KLHL15: variants seen among roughly 807,000 people sequenced by gnomAD.
The protein encoded by KLHL15 is kelch like family member 15, also known as kelch-like protein 15.
In KLHL15, 1 loss-of-function variant was observed where a neutral mutation model predicts 29.3. That is an observed-to-expected ratio of 0.03 (90% confidence interval 0.01 to 0.16). The LOEUF (loss-of-function observed/expected upper bound fraction) is 0.16. KLHL15 is among the 10% of genes least tolerant of loss of function. The pLI is 1.00. For missense variants in KLHL15, 215 were observed against 478.5 expected (o/e 0.45, Z 5.14); for synonymous variants, 212 against 184.5 (o/e 1.15, Z -1.21).
At chrX:24,019,850 G>C (rs1929769319) in intron 2 of KLHL15, among the ~76,000 whole-genome samples, 1 of 112,153 alleles carries the variant, frequency 8.9e-6, no homozygotes, top group South Asian at 3.6e-4. Context: ...TCAGTTATAA[G>C]GCTGCCATTC....
intron 3 of KLHL15, among the ~76,000 whole-genome samples, chrX:24,002,397 A>G (rs1335143335): frequency 1.8e-5 from 2 of 111,691 alleles, no homozygotes; most frequent in Non-Finnish European, 3.8e-5. Flanking sequence ...GTAAAAACTG[A>G]AACTGTAGTC....
intron 2 of KLHL15, among the ~76,000 whole-genome samples, chrX:24,013,794 G>C (rs1929622063): frequency 9.1e-6 from 1 of 110,033 alleles, no homozygotes; most frequent in Non-Finnish European, 1.9e-5. Flanking sequence ...GATTGCTTGA[G>C]CCCAGGAGTT....
Position 23,984,831 on chromosome X carries a change from C to T in KLHL15, c.*3090G>A, listed in dbSNP as rs1928958104. 1.8e-5 allele frequency: 2 copies of T among 112,039 alleles called. No homozygotes were observed. Among genetic ancestry groups the T allele is most frequent in the Admixed American group, 9.6e-5 (1 of 10,435 alleles). 9.2% of individuals were successfully genotyped at this position (112,039 alleles called of 1,213,427 possible). A position where few individuals can be genotyped will look rare whatever the true frequency, so the allele number is the denominator to read the frequency against. ...CCTTTACTATGACTCGAGCAGGCTT[C>T]CCAGAATGAGGTGTCCAAAGGTGCT... On this transcript the variant is annotated 3_prime_UTR_variant, in exon 4 of 4. Transcript: ENST00000328046.
In KLHL15 at chrX:23,984,687, G is replaced by A. The variant is rs1469161867; in HGVS notation, c.*3234C>T. 8.9e-6 allele frequency: 1 copy of A among 112,339 alleles called. No homozygotes were observed. The highest frequency in any genetic ancestry group is 3.2e-5 in the African/African-American group (1 of 30,995). The allele number at this position is 112,339 out of a possible 1,213,427, so 9.3% of individuals were successfully genotyped here. ...ATATATAAAAATAGTCCCACTGAAC[G>A]TTTGACATGTTTAGATTATGCAGCT... On this transcript the variant is annotated 3_prime_UTR_variant, in exon 4 of 4. Transcript: ENST00000328046.
Position 23,987,296 on chromosome X carries a change from T to A in KLHL15, c.*625A>T. ...AAAAATATAGAATCCTAACCACGCA[T>A]AAAAGGGATGTGCCTTGTGTATTTA... On this transcript the variant is annotated 3_prime_UTR_variant, in exon 4 of 4. Coordinates refer to ENST00000328046, the MANE Select transcript of KLHL15 (RefSeq NM_030624.3). 1 of 112,215 alleles carries A rather than the reference T, an allele frequency of 8.9e-6. No homozygotes were observed. Among genetic ancestry groups the A allele is most frequent in the East Asian group, 2.8e-4 (1 of 3,596 alleles). 9.2% of individuals were successfully genotyped at this position (112,215 alleles called of 1,213,427 possible). A position where few individuals can be genotyped will look rare whatever the true frequency, so the allele number is the denominator to read the frequency against.
chrX:24,026,225 C>T (rs970913860), intron 1 of KLHL15, among the ~76,000 whole-genome samples: 1 of 111,852 alleles, frequency 8.9e-6, no homozygotes, highest in Non-Finnish European at 1.9e-5. Context: ...TGGGAAAATT[C>T]ATAAAAAATT....
At chrX:24,007,525 A>ATG (rs1171141853) in intron 2 of KLHL15, among the ~76,000 whole-genome samples, 1 of 97,128 alleles carries the variant, frequency 1.0e-5, no homozygotes, top group Non-Finnish European at 2.0e-5. Context: ...ATATATATAT[A>ATG]TATATATATA....
In KLHL15 at chrX:23,988,122, A is replaced by C. The variant is rs1156631030; in HGVS notation, c.1614T>G (p.Thr538=). 1 of 1,211,548 alleles carries C rather than the reference A, an allele frequency of 8.3e-7. No individual in the cohort carries two copies. Residue 538 remains threonine, a synonymous_variant, in exon 4 of 4, where the codon ACT becomes ACG. Coordinates refer to ENST00000328046, the MANE Select transcript of KLHL15 (RefSeq NM_030624.3). ...MPIGRSGHGV[T]VLDKQIMVLG... ...GAACCATTATTTGTTTGTCCAGCAC[A>C]GTCACACCATGGCCACTTCTACCAA... is the stretch of plus-strand genomic sequence containing the variant.
intron 3 of KLHL15, among the ~76,000 whole-genome samples, chrX:23,993,626 G>A (rs1355681593): frequency 9.0e-6 from 1 of 110,685 alleles, no homozygotes; most frequent in Non-Finnish European, 1.9e-5. Context: ...TTTATCAGGT[G>A]CTCCAGGGAC....
intron 3 of KLHL15, among the ~76,000 whole-genome samples, chrX:23,996,970 T>TA (rs1284496109): frequency 8.9e-6 from 1 of 112,471 alleles, no homozygotes; most frequent in Non-Finnish European, 1.9e-5. Context: ...CTTTCAGTCA[T>TA]ACTGTATTTA....
chrX:24,002,767 T>A (rs1929355767), intron 3 of KLHL15, among the ~76,000 whole-genome samples: 1 of 111,051 alleles, frequency 9.0e-6, no homozygotes, highest in Admixed American at 9.6e-5. Context: ...TAGCTGGGAC[T>A]CCAGGCATGT....
chrX:23,986,861 G>GGGC lies in KLHL15; in HGVS notation c.*1057_*1059dup, dbSNP rs958852303. 2 of 111,593 alleles carry GGGC rather than the reference G, an allele frequency of 1.8e-5. No individual in the cohort carries two copies. The highest frequency in any genetic ancestry group is 3.8e-5 in the Non-Finnish European group (2 of 53,079). 9.2% of individuals were successfully genotyped at this position (111,593 alleles called of 1,213,427 possible). On this transcript the variant is annotated 3_prime_UTR_variant, in exon 4 of 4. Coordinates refer to ENST00000328046, the MANE Select transcript of KLHL15 (RefSeq NM_030624.3). ...AATGGGAGTTGCACTTACTTTTAAG[G>GGGC]GGCCTTGATTTAGGAGTCTGGTATT...
At chrX:24,002,026 G>C (rs369955715) in intron 3 of KLHL15, among the ~76,000 whole-genome samples, 3 of 108,280 alleles carry the variant, frequency 2.8e-5, no homozygotes, top group South Asian at 3.9e-4. Flanking sequence ...CCAGCTACTC[G>C]GGAGGCTGAG....
intron 2 of KLHL15, among the ~76,000 whole-genome samples, chrX:24,022,711 ACTGTTTCG>A (rs1569271140): frequency 9.4e-6 from 1 of 106,125 alleles, no homozygotes; most frequent in African/African-American, 3.4e-5. Flanking sequence ...GTATCTCTCA[ACTGTTTCG>A]CGGTTTTTTT....
intron 2 of KLHL15, among the ~76,000 whole-genome samples, chrX:24,010,351 T>A (rs1176335382): frequency 8.9e-6 from 1 of 112,145 alleles, no homozygotes; most frequent in Non-Finnish European, 1.9e-5. Flanking sequence ...ACTCTCTGCC[T>A]GTCCTCCATC....
intron 2 of KLHL15, among the ~76,000 whole-genome samples, chrX:24,019,543 A>G (rs1471763014): frequency 9.0e-6 from 1 of 111,380 alleles, no homozygotes; most frequent in African/African-American, 3.3e-5. Context: ...GGTGTGAGCC[A>G]CCAAGCCCGG....
Position 23,985,567 on chromosome X carries a change from G to A in KLHL15, c.*2354C>T, listed in dbSNP as rs1464220545. 8.9e-6 allele frequency: 1 copy of A among 112,459 alleles called. No individual in the cohort carries two copies. Among genetic ancestry groups the A allele is most frequent in the Non-Finnish European group, 1.9e-5 (1 of 53,280 alleles). 9.3% of individuals were successfully genotyped at this position (112,459 alleles called of 1,213,427 possible). On this transcript the variant is annotated 3_prime_UTR_variant, in exon 4 of 4. Transcript: ENST00000328046. ...TCAGGTCCGACGTGACTTACGTAAA[G>A]CTGAACCCAGAGTTAGTTCAAGTTA...
intron 3 of KLHL15, among the ~76,000 whole-genome samples, chrX:24,001,802 CAAAAAAAAAAAAA>C: frequency 4.4e-5 from 1 of 22,656 alleles, no homozygotes; most frequent in South Asian, 7.2e-3. Flanking sequence ...AGACTTGACT[CAAAAAAAAAAAAA>C]AAAAAAAAAA....
At position 24,006,175 on chromosome X, in the gene KLHL15, G is replaced by A; in HGVS notation, c.519C>T (p.Ser173=). The part of the protein sequence containing the change: ...VPLMSRPDFL[S]YLSFEKLMSY... ...ACATGAGCTTCTCAAAGCTCAGATA[G>A]GACAGAAAGTCAGGCCTAGACATGA... Residue 173 remains serine (S), a synonymous_variant, in exon 3 of 4, where the codon TCC becomes TCT. Transcript: ENST00000328046. 1.7e-6 allele frequency: 2 copies of A among 1,211,724 alleles called. No homozygotes were observed. Among genetic ancestry groups the A allele is most frequent in the Non-Finnish European group, 2.2e-6 (2 of 895,502 alleles).
Sources: allele counts gnomAD v4.1 joint callset (sites outside exome capture counted in the v4.1 genomes callset), GRCh38; gene constraint gnomAD v4.1.1; transcripts MANE v1.5; gene names NCBI Gene and HGNC (gene_info 2026-07-23, HGNC 2026-07-21).